The following R3HDM4 variants were observed in gnomAD, a reference collection of about 807,000 sequenced individuals.
R3HDM4 encodes R3H domain-containing protein 4.
R3HDM4 carries 30 observed loss-of-function variants against 31.3 expected under a neutral mutation model. The observed-to-expected ratio is 0.96, with a 90% CI of 0.72 to 1.30. The LOEUF is 1.30. Ranked by LOEUF, R3HDM4 falls within the 50% of genes most tolerant of loss-of-function variation. R3HDM4 has a pLI of 0.00. For missense variants in R3HDM4, 444 were observed against 366.1 expected (o/e 1.21, Z -1.74); for synonymous variants, 196 against 156.6 (o/e 1.25, Z -1.88).
intron 7 of R3HDM4, among the ~76,000 whole-genome samples, chr19:898,404 CAAAAA>C (rs67161788): frequency 3.1e-5 from 3 of 97,574 alleles, no homozygotes; most frequent in Admixed American, 1.2e-4. Context: ...GACTTGGTCT[CAAAAA>C]AAAAAAAAAA....
chr19:900,976 G>A, intron 3 of R3HDM4, 24 bp from the exon 4 acceptor site: 3 of 1,541,662 alleles, frequency 1.9e-6, no homozygotes, highest in East Asian at 2.4e-5. Flanking sequence ...AGGGAGGCAG[G>A]CTTGCCATGA....
At chr19:910,895 A>G (rs539738566) in intron 1 of R3HDM4, among the ~76,000 whole-genome samples, 36 of 152,002 alleles carry the variant, frequency 2.4e-4, no homozygotes, top group Non-Finnish European at 3.8e-4. Context: ...CAAGGCGGGC[A>G]GATCACAAGG....
intron 1 of R3HDM4, among the ~76,000 whole-genome samples, chr19:910,287 T>A (rs945407493): frequency 6.6e-6 from 1 of 151,560 alleles, no homozygotes; most frequent in African/African-American, 2.4e-5. Flanking sequence ...ATCGCACTAC[T>A]GTACTCCAGC....
At chr19:901,370 G>A (rs970264621) in intron 3 of R3HDM4, 52 bp downstream of exon 3, 3 of 1,569,760 alleles carry the variant, frequency 1.9e-6, no homozygotes, top group Non-Finnish European at 2.6e-6. Flanking sequence ...CTGGCCGTAG[G>A]AGAACTGCCG....
rs760214517 is a variant in R3HDM4, at chr19:900,930, C to T, written c.374G>A (p.Arg125His). ...YVEVWNDFMN[R>H]SGEEQERVLR... ...AACCCGCTCCTGCTCCTCCCCGGAG[C>T]GGTTCATGAAATCGTTCCAGACCTG... Residue 125 changes from arginine to histidine, a missense_variant, in exon 4 of 8, where the codon CGC (arginine) becomes CAC (histidine). Arg to His is a conservative substitution (Grantham distance 29). Coordinates refer to ENST00000361574, the MANE Select transcript of R3HDM4 (RefSeq NM_138774.4). The T allele has an allele frequency of 1.8e-5, 29 of 1,606,916 alleles. No individual in the cohort carries two copies. The highest frequency in any genetic ancestry group is 5.9e-6 in the Non-Finnish European group (7 of 1,177,474).
chr19:898,110 G>A (rs2036764290), intron 7 of R3HDM4, among the ~76,000 whole-genome samples: 1 of 152,056 alleles, frequency 6.6e-6, no homozygotes, highest in Non-Finnish European at 1.5e-5. Context: ...TCTAGGGCTG[G>A]GCGCGGTGGC....
Position 902,057 on chromosome 19 carries a change from G to A in R3HDM4, c.145C>T (p.His49Tyr), listed in dbSNP as rs1599358771. ...TTCCGCACTGCCTGGTTGATGAAGT[G>A]CTGTTTCCGCCTGGAAGCCGAGAGT... ...KRLSASRRKQ[H>Y]FINQAVRNSD... The change falls in exon 2 of 8, where the codon CAC (histidine) becomes TAC (tyrosine). Residue 49 changes from histidine to tyrosine, a missense_variant. His to Tyr is a moderately conservative substitution (Grantham distance 83). Coordinates refer to ENST00000361574, the MANE Select transcript of R3HDM4 (RefSeq NM_138774.4). 14 of 1,613,920 alleles carry A rather than the reference G, an allele frequency of 8.7e-6. No homozygotes were observed. The highest frequency in any genetic ancestry group is 1.2e-5 in the Non-Finnish European group (14 of 1,180,012).
At chr19:903,089 C>T (rs2036857221) in intron 1 of R3HDM4, among the ~76,000 whole-genome samples, 1 of 152,154 alleles carries the variant, frequency 6.6e-6, no homozygotes, top group Non-Finnish European at 1.5e-5. Flanking sequence ...AGCTGTAAGC[C>T]AGCAAGGCCC....
intron 1 of R3HDM4, among the ~76,000 whole-genome samples, chr19:906,081 G>A (rs925702129): frequency 5.9e-5 from 9 of 151,856 alleles, no homozygotes; most frequent in Non-Finnish European, 1.2e-4. Flanking sequence ...CTGGAGCGCA[G>A]TGGTGCGATC....
chr19:903,523 G>A (rs1027660929), intron 1 of R3HDM4, among the ~76,000 whole-genome samples: 4 of 151,950 alleles, frequency 2.6e-5, no homozygotes, highest in East Asian at 3.9e-4. Context: ...GGAGGTAGGC[G>A]CGCACCGCAG....
chr19:902,105 GGGCA>G lies in R3HDM4; in HGVS notation c.93_96del (p.Ala32Ter), dbSNP rs1292166259. The G allele has an allele frequency of 4.3e-6, 7 of 1,613,538 alleles. No individual in the cohort carries two copies. The highest frequency in any genetic ancestry group is 5.9e-6 in the Non-Finnish European group (7 of 1,179,966). ...AGTCTCTTCACCTGGGAGCTGGCTAGGGCAGGCAGGCAGCTGGGAAGGGGCCTGT... is the reference window on the plus strand; with the variant it reads ...AGTCTCTTCACCTGGGAGCTGGCTAGGGCAGGCAGCTGGGAAGGGGCCTGT... On this transcript the variant is annotated frameshift_variant, in exon 2 of 8. Transcript: ENST00000361574. LOFTEE classifies it high-confidence loss of function.
intron 2 of R3HDM4, 139 bp downstream of exon 2, chr19:901,837 C>T (rs1166842084): frequency 3.8e-5 from 43 of 1,122,016 alleles, no homozygotes; most frequent in Middle Eastern, 2.1e-4. Context: ...TATGGTCCCC[C>T]GGCCTACAGC....
chr19:897,996 A>C (rs191371698), intron 7 of R3HDM4, among the ~76,000 whole-genome samples: 2 of 152,184 alleles, frequency 1.3e-5, no homozygotes, highest in East Asian at 3.9e-4. Context: ...GGCCAGGCGC[A>C]GTGGCTCATG....
intron 1 of R3HDM4, among the ~76,000 whole-genome samples, chr19:906,995 C>T (rs2930897): frequency 0.89 from 135,690 of 151,980 alleles, 60,787 homozygotes; most frequent in African/African-American, 0.94. Flanking sequence ...TTTGTATTTT[C>T]AGTAGAGACG....
At position 899,228 on chromosome 19, in the gene R3HDM4, G is replaced by A. The variant is rs974749666; in HGVS notation, c.703+212C>T. 6.6e-6 allele frequency among the ~76,000 whole-genome samples: 1 copy of A among 152,056 alleles called. No homozygotes were observed. The highest frequency in any genetic ancestry group is 1.5e-5 in the Non-Finnish European group (1 of 67,996). On this transcript the variant is annotated intron_variant, in intron 7 of 7. Coordinates refer to ENST00000361574, the MANE Select transcript of R3HDM4 (RefSeq NM_138774.4). The surrounding 1 kb of genome is among the most constrained non-coding windows in gnomAD (Gnocchi z 6.8). ...TGTCCAGCAGCCTGGTTGTGTCTGC[G>A]GTCACCCTGCGTGGGGCCGCATATG...
chr19:910,707 G>A (rs1357182632), intron 1 of R3HDM4, among the ~76,000 whole-genome samples: 1 of 152,124 alleles, frequency 6.6e-6, no homozygotes, highest in African/African-American at 2.4e-5. Flanking sequence ...ACCAATCAAA[G>A]ACGCATCCTT....
Position 899,513 on chromosome 19 carries a change from T to A in R3HDM4, c.648-18A>T, listed in dbSNP as rs1023214153. ...TCTCGAAGCTGTGGGGAACGGGCAG[T>A]GAGCGCCGTGCAGGGGCTGCAGCGT... is the stretch of plus-strand genomic sequence containing the variant. On this transcript the variant is annotated intron_variant, in intron 6 of 7. Transcript: ENST00000361574. The surrounding 1 kb of genome is among the most constrained non-coding windows in gnomAD (Gnocchi z 6.8). 6 of 1,613,404 alleles carry A rather than the reference T, an allele frequency of 3.7e-6. No homozygotes were observed. In the African/African-American group the frequency reaches 8.0e-5, roughly 22 times the overall value.
chr19:911,437 C>T (rs1297619433), intron 1 of R3HDM4, among the ~76,000 whole-genome samples: 1 of 152,262 alleles, frequency 6.6e-6, no homozygotes, highest in Non-Finnish European at 1.5e-5. Flanking sequence ...GAGCGAGACT[C>T]CGTCTCAAAA....
At chr19:901,768 G>GGCCACC in intron 2 of R3HDM4, 1 of 727,292 alleles carries the variant, frequency 1.4e-6, no homozygotes, top group Non-Finnish European at 2.2e-6. Context: ...TGCCCGGGGC[G>GGCCACC]CCCTCCCACC....
Sources: allele counts gnomAD v4.1 joint callset (sites outside exome capture counted in the v4.1 genomes callset), GRCh38; gene constraint gnomAD v4.1.1; non-coding constraint Gnocchi (gnomAD v3.1); transcripts MANE v1.5; gene names NCBI Gene and HGNC (gene_info 2026-07-23, HGNC 2026-07-21).